Variants in REEP3 observed in about 807,000 individuals in gnomAD.
REEP3 encodes receptor expression-enhancing protein 3.
A neutral mutation model predicts 41.3 loss-of-function variants in REEP3; 20 were observed. The ratio of observed to expected loss-of-function variants is 0.48; its 90% CI spans 0.34 to 0.70. The LOEUF (loss-of-function observed/expected upper bound fraction) is 0.70. REEP3 is among the 30% of genes least tolerant of loss of function. The pLI, the probability that REEP3 is intolerant of heterozygous loss-of-function variation, is 0.01. For synonymous variants in REEP3, 104 were observed against 101.8 expected (o/e 1.02, Z -0.13); for missense variants, 271 against 308.8 (o/e 0.88, Z 0.92).
intron 2 of REEP3, among the ~76,000 whole-genome samples, chr10:63,585,575 G>T (rs556791514): frequency 3.0e-4 from 45 of 152,256 alleles, no homozygotes; most frequent in Admixed American, 9.2e-4. Context: ...CAAGGTTTAT[G>T]ACTATCTCAT....
intron 2 of REEP3, among the ~76,000 whole-genome samples, chr10:63,567,644 A>C (rs780600181): frequency 6.6e-6 from 1 of 152,202 alleles, no homozygotes; most frequent in African/African-American, 2.4e-5. Flanking sequence ...GTACTGCTAC[A>C]AACATTCACA....
At chr10:63,584,435 A>AAAAAC (rs1955984891) in intron 2 of REEP3, among the ~76,000 whole-genome samples, 4 of 151,242 alleles carry the variant, frequency 2.6e-5, no homozygotes, top group Non-Finnish European at 5.9e-5. Context: ...CTTTTTAAAA[A>AAAAAC]AAAAAAAAAA....
intron 6 of REEP3, among the ~76,000 whole-genome samples, chr10:63,612,484 T>G (rs1370251753): frequency 6.6e-6 from 1 of 152,118 alleles, no homozygotes; most frequent in Non-Finnish European, 1.5e-5. Context: ...CCTTGGCATT[T>G]CTTAATATGC....
intron 1 of REEP3, among the ~76,000 whole-genome samples, chr10:63,538,272 T>C (rs1446246280): frequency 1.3e-5 from 2 of 152,172 alleles, no homozygotes; most frequent in Admixed American, 1.3e-4. Context: ...TAATTTAAAT[T>C]TTTGAGTGAT....
At chr10:63,589,112 G>T (rs1330856299) in intron 2 of REEP3, among the ~76,000 whole-genome samples, 5 of 152,178 alleles carry the variant, frequency 3.3e-5, no homozygotes, top group Non-Finnish European at 5.9e-5. Context: ...TTGAGCAGAG[G>T]AATGGCATGA....
chr10:63,614,666 G>A (rs903875726), intron 6 of REEP3, among the ~76,000 whole-genome samples: 3 of 152,178 alleles, frequency 2.0e-5, no homozygotes, highest in Non-Finnish European at 4.4e-5. Flanking sequence ...ATTTTGTGGC[G>A]ATTTGTTGAG....
intron 1 of REEP3, among the ~76,000 whole-genome samples, chr10:63,538,598 G>A (rs1053795351): frequency 6.6e-6 from 1 of 152,132 alleles, no homozygotes; most frequent in African/African-American, 2.4e-5. Flanking sequence ...GCTGGATGTG[G>A]TGGCACGTGC....
chr10:63,601,502 C>G (rs1956171602), intron 5 of REEP3, among the ~76,000 whole-genome samples: 2 of 152,178 alleles, frequency 1.3e-5, no homozygotes, highest in South Asian at 4.1e-4. Context: ...GAGAACACCA[C>G]ACAGCAAGTC....
intron 1 of REEP3, among the ~76,000 whole-genome samples, chr10:63,529,477 A>T (rs997299100): frequency 9.0e-5 from 13 of 143,860 alleles, no homozygotes; most frequent in Non-Finnish European, 1.7e-4. Flanking sequence ...TTTATTTTAG[A>T]GACAGGGTTT....
intron 1 of REEP3, among the ~76,000 whole-genome samples, chr10:63,529,153 A>G (rs1955395187): frequency 6.6e-6 from 1 of 152,206 alleles, no homozygotes; most frequent in Non-Finnish European, 1.5e-5. Context: ...CTTATTTCAC[A>G]ATTAATTTTT....
chr10:63,543,173 G>A (rs956245573), intron 1 of REEP3, among the ~76,000 whole-genome samples: 2 of 152,094 alleles, frequency 1.3e-5, no homozygotes, highest in African/African-American at 4.8e-5. Flanking sequence ...ATAACTTAGT[G>A]ACTTAAAATA....
At chr10:63,601,671 C>T (rs1289167495) in intron 5 of REEP3, among the ~76,000 whole-genome samples, 1 of 152,178 alleles carries the variant, frequency 6.6e-6, no homozygotes, top group East Asian at 1.9e-4. Flanking sequence ...GTAATCCCAG[C>T]ACTTTGGGAG....
intron 1 of REEP3, among the ~76,000 whole-genome samples, chr10:63,527,131 C>A (rs1955372150): frequency 6.6e-6 from 1 of 152,058 alleles, no homozygotes; most frequent in Non-Finnish European, 1.5e-5. Context: ...TGATTCTCTT[C>A]ATTTATATTG....
chr10:63,623,240 A>T lies in REEP3; in HGVS notation c.*2371A>T, dbSNP rs1956368786. On this transcript the variant is annotated 3_prime_UTR_variant, in exon 8 of 8. Coordinates refer to ENST00000373758, the MANE Select transcript of REEP3 (RefSeq NM_001001330.3). The stretch of plus-strand genomic sequence containing the variant: ...CATTATACACTGTTGATATCATTTT[A>T]CTCTTCTTTCTCTTCTACATTTCTT... The T allele has an allele frequency of 6.6e-6, 1 of 151,642 alleles. No homozygotes were observed. The highest frequency in any genetic ancestry group is 2.4e-5 in the African/African-American group (1 of 41,260). The allele number at this position is 151,642 out of a possible 1,614,324, so 9.4% of individuals were successfully genotyped here. A position where few individuals can be genotyped will look rare whatever the true frequency, so the allele number is the denominator to read the frequency against.
Position 63,534,912 on chromosome 10 carries a change from G to A in REEP3, c.32+13335G>A, listed in dbSNP as rs538060565. Among the ~76,000 whole-genome samples the A allele has an allele frequency of 1.2e-4, 18 of 152,266 alleles. No homozygotes were observed. The East Asian group carries it at 3.5e-3, about 29-fold the overall frequency. ...GGCAGGAACTGTATGAGAAAGGAAA[G>A]CAGTCAGTTTTTCCTTTGAGGTCTA... On this transcript the variant is annotated intron_variant, in intron 1 of 7. Coordinates refer to ENST00000373758, the MANE Select transcript of REEP3 (RefSeq NM_001001330.3).
chr10:63,606,976 T>C (rs531921152), intron 5 of REEP3, among the ~76,000 whole-genome samples: 51 of 152,342 alleles, frequency 3.3e-4, no homozygotes, highest in Middle Eastern at 3.4e-3. Context: ...AGGGAAGATA[T>C]CTCCACTTAC....
At chr10:63,606,679 A>G (rs1264221000) in intron 5 of REEP3, among the ~76,000 whole-genome samples, 1 of 152,244 alleles carries the variant, frequency 6.6e-6, no homozygotes, top group Non-Finnish European at 1.5e-5. Flanking sequence ...AAGTGACTAT[A>G]ATGTTCTATT....
chr10:63,599,139 T>A (rs1434662670), intron 4 of REEP3, 31 bp from the exon 5 acceptor site: 6 of 1,142,860 alleles, frequency 5.2e-6, no homozygotes, highest in Non-Finnish European at 7.7e-6. Flanking sequence ...TATTTTTAAG[T>A]AAAACTAACA....
intron 5 of REEP3, among the ~76,000 whole-genome samples, chr10:63,601,622 C>G (rs1283634649): frequency 6.6e-6 from 1 of 152,004 alleles, no homozygotes; most frequent in Admixed American, 6.6e-5. Context: ...AGGGATGATA[C>G]TAAAACCAGT....
Sources: allele counts gnomAD v4.1 joint callset (sites outside exome capture counted in the v4.1 genomes callset), GRCh38; gene constraint gnomAD v4.1.1; transcripts MANE v1.5; gene names NCBI Gene and HGNC (gene_info 2026-07-23, HGNC 2026-07-21).